The following HSPA9 variants were observed in gnomAD, a reference collection of about 807,000 sequenced individuals.
HSPA9 encodes stress-70 protein, mitochondrial.
A neutral mutation model predicts 81.5 loss-of-function variants in HSPA9; 28 were observed. That is an observed-to-expected ratio of 0.34 (90% CI 0.25 to 0.47). HSPA9 has a LOEUF of 0.47. HSPA9 is among the 20% of genes least tolerant of loss of function. The probability of loss-of-function intolerance (pLI) is 1.00; values close to 1 mark genes in which losing one functional copy is unlikely to be tolerated. For missense variants in HSPA9, 678 were observed against 838.0 expected (o/e 0.81, Z 2.36); for synonymous variants, 293 against 290.4 (o/e 1.01, Z -0.09).
intron 9 of HSPA9, among the ~76,000 whole-genome samples, chr5:138,562,321 G>A (rs1374782558): frequency 1.3e-5 from 2 of 150,578 alleles, no homozygotes; most frequent in South Asian, 2.1e-4. Context: ...AGGGCGAGGC[G>A]GGTGGATCAC....
Position 138,567,448 on chromosome 5 carries a change from A to G in HSPA9, c.716+7T>C. The G allele has an allele frequency of 1.2e-6, 2 of 1,607,876 alleles. No individual in the cohort carries two copies. The highest frequency in any genetic ancestry group is 1.7e-6 in the Non-Finnish European group (2 of 1,174,348). On this transcript the variant is annotated splice_region_variant and intron_variant, in intron 7 of 16. Transcript: ENST00000297185. ...ATCCAGGTGAGAAATTTACTGCACA[A>G]ACTTACACTTTGTCTTCTGATTTGT...
chr5:138,554,112 A>G lies in HSPA9; in HGVS notation c.*1925T>C, dbSNP rs1017574539. Among the ~76,000 whole-genome samples the G allele has an allele frequency of 1.3e-5, 2 of 152,118 alleles. No individual in the cohort carries two copies. The highest frequency in any genetic ancestry group is 4.8e-5 in the African/African-American group (2 of 41,418). On this transcript the variant is annotated 3_prime_UTR_variant, in exon 17 of 17. Coordinates refer to ENST00000297185, the MANE Select transcript of HSPA9 (RefSeq NM_004134.7). Reference sequence around the variant, plus strand: ...ATATATATCCTATTGGCTGTAGGAAATCTCCATATACCTTCTTGCTATTTA... The same window carrying G: ...ATATATATCCTATTGGCTGTAGGAAGTCTCCATATACCTTCTTGCTATTTA...
chr5:138,559,522 C>T (rs564073927), intron 11 of HSPA9, among the ~76,000 whole-genome samples: 16 of 152,104 alleles, frequency 1.1e-4, no homozygotes, highest in Non-Finnish European at 1.9e-4. Context: ...AAGTCTGGTC[C>T]AGACTACCCT....
Position 138,557,333 on chromosome 5 carries a change from A to T in HSPA9, c.1728+69T>A, listed in dbSNP as rs1209349906. 3.8e-6 allele frequency: 4 copies of T among 1,058,718 alleles called. No homozygotes were observed. The East Asian group carries it at 9.7e-5, about 26-fold the overall frequency. 65.6% of individuals were successfully genotyped at this position (1,058,718 alleles called of 1,614,324 possible). A position where few individuals can be genotyped will look rare whatever the true frequency, so the allele number is the denominator to read the frequency against. On this transcript the variant is annotated intron_variant, in intron 14 of 16. Transcript: ENST00000297185. ...ATTACAGGAGTGAGACACTGCGCCCAGCCCCAAACTCCCACTGTCAAGACT... is the reference window on the plus strand; with the variant it reads ...ATTACAGGAGTGAGACACTGCGCCCTGCCCCAAACTCCCACTGTCAAGACT...
At position 138,561,583 on chromosome 5, in the gene HSPA9, G is replaced by C; in HGVS notation, c.1179C>G (p.Pro393=). The C allele has an allele frequency of 1.2e-6, 2 of 1,610,742 alleles. No individual in the cohort carries two copies. The highest frequency in any genetic ancestry group is 1.7e-6 in the Non-Finnish European group (2 of 1,178,068). The change falls in exon 10 of 17, where the codon CCC becomes CCG. Residue 393 remains proline, a synonymous_variant. Transcript: ENST00000297185. ...VILVGGMTRM[P]KVQQTVQDLF... is the part of the protein sequence containing the mutation. Reference sequence around the variant, plus strand: ...ACAGAATTCCACTGGTCCATACCTTGGGCATCCTAGTCATGCCACCCACAA... The same window carrying C: ...ACAGAATTCCACTGGTCCATACCTTCGGCATCCTAGTCATGCCACCCACAA...
Position 138,568,966 on chromosome 5 carries a change from T to C in HSPA9, c.494A>G (p.Gln165Arg). ...EAHGKLYSPS[Q>R]IGAFVLMKMK... Reference sequence around the variant, plus strand: ...CTTCATCAACACAAATGCTCCAATCTGACTCGGAGAATACAATTTCCCATG... The same window carrying C: ...CTTCATCAACACAAATGCTCCAATCCGACTCGGAGAATACAATTTCCCATG... Residue 165 changes from glutamine to arginine, a missense_variant, in exon 5 of 17, where the codon CAG (glutamine) becomes CGG (arginine). Gln to Arg is a conservative substitution (Grantham distance 43). Around this residue, in one of 4 missense-constraint regions of HSPA9, gnomAD observed 484 missense variants for 647.5 expected, o/e 0.75. Coordinates refer to ENST00000297185, the MANE Select transcript of HSPA9 (RefSeq NM_004134.7). 6.2e-7 allele frequency: 1 copy of C among 1,613,996 alleles called. No homozygotes were observed. The highest frequency in any genetic ancestry group is 8.5e-7 in the Non-Finnish European group (1 of 1,179,894).
chr5:138,557,125 G>C (rs1750545779), intron 14 of HSPA9: 1 of 600,780 alleles, frequency 1.7e-6, no homozygotes, highest in African/African-American at 1.9e-5. Flanking sequence ...CAACGGGGAA[G>C]GAAGAATAGA....
At chr5:138,567,187 A>C in intron 7 of HSPA9, 24 bp from the exon 8 acceptor site, 1 of 1,582,804 alleles carries the variant, frequency 6.3e-7, no homozygotes, top group Non-Finnish European at 8.6e-7. Context: ...GTGAAAAAAA[A>C]AAGAAAAGAA....
At chr5:138,569,931 T>G (rs952160985) in intron 4 of HSPA9, among the ~76,000 whole-genome samples, 4 of 151,758 alleles carry the variant, frequency 2.6e-5, no homozygotes, top group African/African-American at 9.7e-5. Context: ...TTCACTGCTA[T>G]TACTCAGACT....
In HSPA9 at chr5:138,555,960, G is replaced by A. The variant is rs1204352847; in HGVS notation, c.*77C>T. On this transcript the variant is annotated 3_prime_UTR_variant, in exon 17 of 17. Transcript: ENST00000297185. ...AAACACAGTAAAAAGACTGAAGTTC[G>A]CCCATTTCTGCTCAGGAAGTCTCTT... is the stretch of plus-strand genomic sequence containing the variant. The A allele has an allele frequency of 2.2e-5, 22 of 997,520 alleles. No individual in the cohort carries two copies. The highest frequency in any genetic ancestry group is 2.7e-4 in the Middle Eastern group (1 of 3,640). The allele number at this position is 997,520 out of a possible 1,614,324, so 61.8% of individuals were successfully genotyped here.
Position 138,566,647 on chromosome 5 carries a change from A to G in HSPA9, c.951T>C (p.Cys317=), listed in dbSNP as rs757859507. The G allele has an allele frequency of 1.9e-6, 3 of 1,613,458 alleles. No homozygotes were observed. Among genetic ancestry groups the G allele is most frequent in the Admixed American group, 1.7e-5 (1 of 59,998 alleles). The part of the protein sequence containing the change: ...RVREAAEKAK[C]ELSSSVQTDI... ...TCACCTGCACAGATGAGGAGAGTTC[A>G]CATTTAGCCTTTTCAGCAGCTTCCC... Residue 317 remains cysteine (C), a synonymous_variant, in exon 9 of 17, where the codon TGT becomes TGC. Coordinates refer to ENST00000297185, the MANE Select transcript of HSPA9 (RefSeq NM_004134.7).
In HSPA9 at chr5:138,573,757, G is replaced by A; in HGVS notation, c.228+6C>T. On this transcript the variant is annotated splice_donor_region_variant and intron_variant, in intron 3 of 16. Transcript: ENST00000297185. ...GGATAAGGTACTAGTTATCAATCATGCTCACCTTTGCTTGTTTACCTTCCA... is the reference window on the plus strand; with the variant it reads ...GGATAAGGTACTAGTTATCAATCATACTCACCTTTGCTTGTTTACCTTCCA... 1 of 1,570,588 alleles carries A rather than the reference G, an allele frequency of 6.4e-7. No individual in the cohort carries two copies. Among genetic ancestry groups the A allele is most frequent in the East Asian group, 2.3e-5 (1 of 44,198 alleles).
At chr5:138,558,749 A>G (rs1276277353) in intron 11 of HSPA9, 92 bp from the exon 12 acceptor site, 2 of 804,272 alleles carry the variant, frequency 2.5e-6, no homozygotes, top group Non-Finnish European at 4.4e-6. Flanking sequence ...ACATTCCAAG[A>G]CTGGAAGACT....
At chr5:138,571,899 C>T (rs1048687506) in intron 3 of HSPA9, among the ~76,000 whole-genome samples, 3 of 150,020 alleles carry the variant, frequency 2.0e-5, no homozygotes, top group African/African-American at 7.3e-5. Flanking sequence ...TGACCTCAGG[C>T]GATCCGCCCA....
chr5:138,573,664 A>AC, intron 3 of HSPA9, 99 bp downstream of exon 3: 1 of 653,296 alleles, frequency 1.5e-6, no homozygotes, highest in Non-Finnish European at 2.6e-6. Context: ...AAAAAAAAAA[A>AC]AAAAGCGCAA....
chr5:138,566,862 G>GA (rs553642845), intron 8 of HSPA9, 139 bp downstream of exon 8: 28 of 1,157,972 alleles, frequency 2.4e-5, no homozygotes, highest in Middle Eastern at 1.9e-4. Context: ...AATGTGTAGG[G>GA]AAAAAAAATA....
chr5:138,559,206 A>G (rs1170997259), intron 11 of HSPA9, among the ~76,000 whole-genome samples: 1 of 151,962 alleles, frequency 6.6e-6, no homozygotes, highest in Admixed American at 6.6e-5. Context: ...CCCATGCTCA[A>G]GTGATCCACC....
chr5:138,574,784 A>G, intron 1 of HSPA9: 1 of 176,104 alleles, frequency 5.7e-6, no homozygotes. Flanking sequence ...ACAGATTTTG[A>G]GAAAATGTTG....
Position 138,567,045 on chromosome 5 carries a change from C to A in HSPA9, c.835G>T (p.Asp279Tyr). 6.2e-7 allele frequency: 1 copy of A among 1,613,498 alleles called. No homozygotes were observed. Among genetic ancestry groups the A allele is most frequent in the South Asian group, 1.1e-5 (1 of 91,044 alleles). The part of the protein sequence containing the change: ...GDTFLGGEDF[D>Y]QALLRHIVKE... Reference sequence around the variant, plus strand: ...ACAATGTGCCGTAGCAAGGCCTGGTCAAAGTCTTCCCCACCTAAGAAGGTA... The same window carrying A: ...ACAATGTGCCGTAGCAAGGCCTGGTAAAAGTCTTCCCCACCTAAGAAGGTA... The change falls in exon 8 of 17, where the codon GAC becomes TAC. Residue 279 changes from aspartate (D) to tyrosine (Y), a missense_variant. Transcript: ENST00000297185.
Sources: allele counts gnomAD v4.1 joint callset (sites outside exome capture counted in the v4.1 genomes callset), GRCh38; gene constraint gnomAD v4.1.1; regional missense constraint gnomAD v4.1.1; transcripts MANE v1.5; gene names NCBI Gene and HGNC (gene_info 2026-07-23, HGNC 2026-07-21).